Variants in TRIM2 observed in about 807,000 individuals in gnomAD.
The protein encoded by TRIM2 is tripartite motif containing 2.
TRIM2 carries 20 observed loss-of-function variants against 75.2 expected under a neutral mutation model. The ratio of observed to expected loss-of-function variants is 0.27; its 90% confidence interval spans 0.19 to 0.39. The LOEUF (loss-of-function observed/expected upper bound fraction) is 0.39, where lower values mean the gene tolerates loss of function less well. TRIM2 is among the 10% of genes least tolerant of loss of function. The pLI, the probability that TRIM2 is intolerant of heterozygous loss-of-function variation, is 1.00. For missense variants in TRIM2, 660 were observed against 990.8 expected, an observed-to-expected ratio of 0.67 and a Z score of 4.48; for synonymous variants, 373 against 388.3, an observed-to-expected ratio of 0.96 and a Z score of 0.46.
chr4:153,204,352 T>C, upstream of TRIM2: 1 of 646,610 alleles, frequency 1.5e-6, no homozygotes, highest in Non-Finnish European at 2.7e-6. Context: ...GGCTGATCAT[T>C]GGCTCTCATT....
Position 153,168,674 on chromosome 4 carries a change from G to A in TRIM2, c.-49+15404G>A, listed in dbSNP as rs557756278. ...GAGGAGGCAAGGGAGTGTCAAAGAA[G>A]TTTTTCTGAAAAAAAAAAAAAATCA... On this transcript the variant is annotated intron_variant, in intron 1 of 11. Coordinates refer to the TRIM2 transcript ENST00000437508. Among the ~76,000 whole-genome samples, 4 of 144,132 alleles carry A rather than the reference G, an allele frequency of 2.8e-5. No homozygotes were observed. The South Asian group carries it at 8.7e-4, about 31-fold the overall frequency. 94.6% of individuals were successfully genotyped at this position (144,132 alleles called of 152,430 possible). A position where few individuals can be genotyped will look rare whatever the true frequency, so the allele number is the denominator to read the frequency against.
In TRIM2 at chr4:153,336,399, T is replaced by C; in HGVS notation, c.*1433T>C. ...ACACACACATAAAAAACCCAACAGG[T>C]CAAAATAAAAGTTGAACTTGAGTTA... On this transcript the variant is annotated 3_prime_UTR_variant, in exon 12 of 12. Transcript: ENST00000338700. 2 of 983,194 alleles carry C rather than the reference T, an allele frequency of 2.0e-6. No individual in the cohort carries two copies. The highest frequency in any genetic ancestry group is 2.4e-6 in the Non-Finnish European group (2 of 829,060). The allele number at this position is 983,194 out of a possible 1,614,324, so 60.9% of individuals were successfully genotyped here.
chr4:153,320,263 G>C (rs1162968566), intron 8 of TRIM2, among the ~76,000 whole-genome samples: 2 of 152,130 alleles, frequency 1.3e-5, no homozygotes, highest in Admixed American at 1.3e-4. Flanking sequence ...AAGTAATTGT[G>C]TTCCTTTGCT....
intron 1 of TRIM2, among the ~76,000 whole-genome samples, chr4:153,197,713 A>T (rs934365772): frequency 6.6e-6 from 1 of 152,152 alleles, no homozygotes; most frequent in African/African-American, 2.4e-5. Context: ...CTCTCCTAAA[A>T]ATACAAAAAG....
intron 3 of TRIM2, 93 bp from the exon 4 acceptor site, chr4:153,292,889 T>G: frequency 7.5e-6 from 9 of 1,206,996 alleles, no homozygotes; most frequent in Non-Finnish European, 8.7e-6. Context: ...TGGCTCTCAT[T>G]TAATTATGAG....
chr4:153,245,267 A>G (rs1199243958), intron 1 of TRIM2, among the ~76,000 whole-genome samples: 1 of 152,240 alleles, frequency 6.6e-6, no homozygotes, highest in African/African-American at 2.4e-5. Context: ...AGTAAACTGT[A>G]GGTATTGTTT....
At chr4:153,315,724 G>A (rs4618297) in intron 7 of TRIM2, 108 bp from the exon 8 acceptor site, 1 of 1,476,500 alleles carries the variant, frequency 6.8e-7, no homozygotes, top group Non-Finnish European at 9.4e-7. Flanking sequence ...TCTTCAAATA[G>A]AGTTTGCGTG....
intron 1 of TRIM2, among the ~76,000 whole-genome samples, chr4:153,190,337 C>T (rs1008878562): frequency 6.6e-6 from 1 of 152,222 alleles, no homozygotes; most frequent in Non-Finnish European, 1.5e-5. Context: ...GTGGGTATGA[C>T]TTGATTTTTA....
chr4:153,312,364 G>A lies in TRIM2; in HGVS notation c.1511-3121G>A, dbSNP rs1008257381. ...ATTCTTTGCTATTGTGAATAATGCC[G>A]CAACAAACAACCCCATCAAAAAGTG... On this transcript the variant is annotated intron_variant, in intron 6 of 11. Transcript: ENST00000338700. Among the ~76,000 whole-genome samples, 99 of 151,874 alleles carry A rather than the reference G, an allele frequency of 6.5e-4. 3 individuals carry two copies. The highest frequency in any genetic ancestry group is 2.1e-3 in the African/African-American group (86 of 41,324).
intron 1 of TRIM2, among the ~76,000 whole-genome samples, chr4:153,244,156 C>CTTG (rs902803559): frequency 7.1e-6 from 1 of 141,068 alleles, no homozygotes; most frequent in African/African-American, 2.8e-5. Flanking sequence ...TCTTCTTGTT[C>CTTG]TTCTTCTTCT....
chr4:153,178,598 C>G (rs549728504), intron 1 of TRIM2, among the ~76,000 whole-genome samples: 1 of 152,132 alleles, frequency 6.6e-6, no homozygotes, highest in African/African-American at 2.4e-5. Flanking sequence ...GTTTTTGGTT[C>G]CTTGAGATGT....
intron 5 of TRIM2, 83 bp downstream of exon 5, chr4:153,294,568 G>A (rs1762416711): frequency 7.2e-7 from 1 of 1,390,982 alleles, no homozygotes; most frequent in African/African-American, 1.4e-5. Flanking sequence ...TAGCAACAAG[G>A]GGTCCTTAAG....
At position 153,277,326 on chromosome 4, in the gene TRIM2, G is replaced by A. The variant is rs79782457; in HGVS notation, c.453+1196G>A. ...CACAGCAGTCTTCTCCACCTGTACC[G>A]TCTAACACAGGTTGCCTCTTACAGC... On this transcript the variant is annotated intron_variant, in intron 3 of 11. Coordinates refer to ENST00000338700, the MANE Select transcript of TRIM2 (RefSeq NM_015271.5). 1.0e-3 allele frequency among the ~76,000 whole-genome samples: 155 copies of A among 152,232 alleles called. 1 individual carries two copies. Among genetic ancestry groups the A allele is most frequent in the Admixed American group, 2.4e-3 (36 of 15,290 alleles).
At chr4:153,258,376 A>G (rs1752589936) in intron 1 of TRIM2, among the ~76,000 whole-genome samples, 1 of 151,728 alleles carries the variant, frequency 6.6e-6, no homozygotes, top group Non-Finnish European at 1.5e-5. Flanking sequence ...GCTCAATGAT[A>G]GCATTACACA....
At chr4:153,305,502 G>A (rs1764780617) in intron 6 of TRIM2, among the ~76,000 whole-genome samples, 1 of 152,190 alleles carries the variant, frequency 6.6e-6, no homozygotes, top group Admixed American at 6.5e-5. Context: ...CTGAGACTGG[G>A]TAATTTATAA....
intron 10 of TRIM2, among the ~76,000 whole-genome samples, chr4:153,327,207 AC>A (rs1331224367): frequency 6.6e-6 from 1 of 152,176 alleles, no homozygotes; most frequent in African/African-American, 2.4e-5. Flanking sequence ...TTTCTAAAGA[AC>A]CACAAAGGTG....
In TRIM2 at chr4:153,336,997, C is replaced by T. The variant is rs957951129; in HGVS notation, c.*2031C>T. On this transcript the variant is annotated 3_prime_UTR_variant, in exon 12 of 12. Coordinates refer to ENST00000338700, the MANE Select transcript of TRIM2 (RefSeq NM_015271.5). ...ATATTTACTGAGTACCTACTAGGTA[C>T]CAAGTACTCTTTTAGGCACTGGAAA... 31 of 980,780 alleles carry T rather than the reference C, an allele frequency of 3.2e-5. 1 individual carries two copies. The African/African-American group carries it at 4.0e-4, about 13-fold the overall frequency. The allele number at this position is 980,780 out of a possible 1,614,324, so 60.8% of individuals were successfully genotyped here.
chr4:153,231,340 AAGAG>A (rs1227683987), intron 1 of TRIM2, among the ~76,000 whole-genome samples: 1 of 152,226 alleles, frequency 6.6e-6, no homozygotes, highest in East Asian at 1.9e-4. Context: ...TGGTTCAGAA[AAGAG>A]AGAGAACACA....
chr4:153,281,828 C>G (rs1323880800), intron 3 of TRIM2, among the ~76,000 whole-genome samples: 1 of 152,222 alleles, frequency 6.6e-6, no homozygotes, highest in Non-Finnish European at 1.5e-5. Context: ...CACTTGAGCT[C>G]ATGCCTCATG....
Sources: allele counts gnomAD v4.1 joint callset (sites outside exome capture counted in the v4.1 genomes callset), GRCh38; gene constraint gnomAD v4.1.1; transcripts MANE v1.5; gene names NCBI Gene and HGNC (gene_info 2026-07-23, HGNC 2026-07-21).